GALNT18: variants seen among roughly 807,000 people sequenced by gnomAD.
GALNT18 encodes GalNAc-transferase 18.
In GALNT18, 44 loss-of-function variants were observed where a neutral mutation model predicts 69.5. That is an observed-to-expected ratio of 0.63 (90% CI 0.50 to 0.81). The LOEUF (loss-of-function observed/expected upper bound fraction) is 0.81. Among genes scored for constraint, GALNT18 ranks in the 40% least tolerant of loss-of-function variants. The probability of loss-of-function intolerance (pLI) is 0.00; values close to 1 mark genes in which losing one functional copy is unlikely to be tolerated. For missense variants in GALNT18, 715 were observed against 810.0 expected (o/e 0.88, Z 1.42); for synonymous variants, 364 against 318.2 (o/e 1.14, Z -1.53).
At chr11:11,609,703 C>T (rs1479959842) in intron 1 of GALNT18, among the ~76,000 whole-genome samples, 1 of 152,194 alleles carries the variant, frequency 6.6e-6, no homozygotes, top group African/African-American at 2.4e-5. Flanking sequence ...GGTTTTATTT[C>T]CTCCCATTCC....
At chr11:11,468,988 C>A (rs1262902292) in intron 1 of GALNT18, among the ~76,000 whole-genome samples, 1 of 152,152 alleles carries the variant, frequency 6.6e-6, no homozygotes, top group Non-Finnish European at 1.5e-5. Context: ...GACAGATGGA[C>A]AGTCCTATAG....
intron 2 of GALNT18, among the ~76,000 whole-genome samples, chr11:11,443,193 C>T (rs965065206): frequency 6.6e-6 from 1 of 152,044 alleles, no homozygotes; most frequent in Admixed American, 6.6e-5. Flanking sequence ...GGTGAGAAGC[C>T]CACCTTCCCA....
chr11:11,276,536 C>T (rs963662352), intron 10 of GALNT18, among the ~76,000 whole-genome samples: 1 of 152,162 alleles, frequency 6.6e-6, no homozygotes, highest in Non-Finnish European at 1.5e-5. Context: ...CTTTCTCTTG[C>T]CTGACTTCCC....
chr11:11,285,764 ACTC>A (rs569755393), intron 10 of GALNT18, among the ~76,000 whole-genome samples: 6 of 151,640 alleles, frequency 4.0e-5, no homozygotes, highest in East Asian at 1.9e-4. Flanking sequence ...AAAGTCAAGG[ACTC>A]CTCCTCCTCC....
In GALNT18 at chr11:11,444,466, G is replaced by C. The variant is rs1397527636; in HGVS notation, c.428+4278C>G. 6.6e-6 allele frequency among the ~76,000 whole-genome samples: 1 copy of C among 152,168 alleles called. No individual in the cohort carries two copies. The highest frequency in any genetic ancestry group is 1.5e-5 in the Non-Finnish European group (1 of 68,042). ...GAGATATCCGTCCGACGCTTTGTTG[G>C]GTGCCGGGCACATCATGAGTGCTCA... is the stretch of plus-strand genomic sequence containing the variant. On this transcript the variant is annotated intron_variant, in intron 2 of 10. Transcript: ENST00000227756. The surrounding 1 kb of genome is among the most constrained non-coding windows in gnomAD (Gnocchi z 4.4).
At chr11:11,414,566 A>G (rs1191479263) in intron 3 of GALNT18, among the ~76,000 whole-genome samples, 1 of 152,012 alleles carries the variant, frequency 6.6e-6, no homozygotes, top group Non-Finnish European at 1.5e-5. Context: ...CAATCATCTA[A>G]CCTGAAGCAT....
intron 1 of GALNT18, among the ~76,000 whole-genome samples, chr11:11,504,693 G>A (rs571458316): frequency 8.5e-5 from 13 of 152,248 alleles, no homozygotes; most frequent in African/African-American, 3.1e-4. Flanking sequence ...GGAAGGTGGA[G>A]GTTGCGGTGA....
rs1270257833 is a variant in GALNT18, at chr11:11,372,695, G to A, written c.978-66C>T. The A allele has an allele frequency of 8.1e-7, 1 of 1,241,532 alleles. No homozygotes were observed. Among genetic ancestry groups the A allele is most frequent in the African/African-American group, 1.5e-5 (1 of 67,676 alleles). The allele number at this position is 1,241,532 out of a possible 1,614,324, so 76.9% of individuals were successfully genotyped here. A position where few individuals can be genotyped will look rare whatever the true frequency, so the allele number is the denominator to read the frequency against. On this transcript the variant is annotated intron_variant, in intron 5 of 10. Transcript: ENST00000227756. The surrounding 1 kb of genome is among the most constrained non-coding windows in gnomAD (Gnocchi z 4.9). The stretch of plus-strand genomic sequence containing the variant: ...CTGTCCGAGGAGTAAGAGCAGTAAG[G>A]CCTTCCTATCAGGAGGGTCTGGTTC...
At chr11:11,287,448 T>C (rs1173655709) in intron 10 of GALNT18, among the ~76,000 whole-genome samples, 1 of 152,126 alleles carries the variant, frequency 6.6e-6, no homozygotes, top group African/African-American at 2.4e-5. Flanking sequence ...CTGCTTTGCT[T>C]GACAAGTATC....
At chr11:11,597,663 C>CT (rs1438591992) in intron 1 of GALNT18, among the ~76,000 whole-genome samples, 7,213 of 137,474 alleles carry the variant, frequency 0.052, 563 homozygotes, top group African/African-American at 0.17. Context: ...TTTGAGTATT[C>CT]TTTTTTTTTT....
chr11:11,621,707 C>T lies in GALNT18; in HGVS notation c.-114G>A, dbSNP rs1435458658. On this transcript the variant is annotated 5_prime_UTR_variant, in exon 1 of 11. Coordinates refer to ENST00000227756, the MANE Select transcript of GALNT18 (RefSeq NM_198516.3). The surrounding 1 kb of genome is among the most constrained non-coding windows in gnomAD (Gnocchi z 9.3). ...CCGGAGCCGCTGGGCACCTCAGCAC[C>T]TGAGTCCCGAGGTTCTCCAAAGCCC... is the stretch of plus-strand genomic sequence containing the variant. The T allele has an allele frequency of 2.7e-6, 2 of 751,454 alleles. No individual in the cohort carries two copies. Among genetic ancestry groups the T allele is most frequent in the African/African-American group, 3.5e-5 (2 of 57,082 alleles). 46.5% of individuals were successfully genotyped at this position (751,454 alleles called of 1,614,324 possible).
At chr11:11,516,011 T>C (rs1265097676) in intron 1 of GALNT18, among the ~76,000 whole-genome samples, 1 of 152,074 alleles carries the variant, frequency 6.6e-6, no homozygotes, top group Non-Finnish European at 1.5e-5. Context: ...CCTGAGGAGC[T>C]GGGATAAACA....
Position 11,586,833 on chromosome 11 carries a change from C to CAA in GALNT18, c.235+34524_235+34525dup, listed in dbSNP as rs71037031. Reference sequence around the variant, plus strand: ...TACTAAAAACACACACACACACACACAAAAAAAAGCCAGGTGTGGTGGCGG... The same window carrying CAA: ...TACTAAAAACACACACACACACACACAAAAAAAAAAGCCAGGTGTGGTGGCGG... On this transcript the variant is annotated intron_variant, in intron 1 of 10. Coordinates refer to ENST00000227756, the MANE Select transcript of GALNT18 (RefSeq NM_198516.3). The surrounding 1 kb of genome is among the most constrained non-coding windows in gnomAD (Gnocchi z 4.1). 9.9e-5 allele frequency among the ~76,000 whole-genome samples: 15 copies of CAA among 150,760 alleles called. No homozygotes were observed. The highest frequency in any genetic ancestry group is 4.6e-4 in the Admixed American group (7 of 15,144).
At chr11:11,417,587 G>A (rs916950909) in intron 3 of GALNT18, among the ~76,000 whole-genome samples, 1 of 152,196 alleles carries the variant, frequency 6.6e-6, no homozygotes, top group Non-Finnish European at 1.5e-5. Context: ...CTGCAGGCCA[G>A]CAATAGGCTG....
chr11:11,565,338 T>C (rs567796671), intron 1 of GALNT18, among the ~76,000 whole-genome samples: 1 of 151,808 alleles, frequency 6.6e-6, no homozygotes, highest in African/African-American at 2.4e-5. Flanking sequence ...TGGAAAAGAG[T>C]GGTGAAGGGC....
rs180671354 is a variant in GALNT18 at position 11,548,158 on chromosome 11, G to A, written c.235+73201C>T. 2.2e-3 allele frequency among the ~76,000 whole-genome samples: 332 copies of A among 152,298 alleles called. 1 individual carries two copies. Among genetic ancestry groups the A allele is most frequent in the Non-Finnish European group, 2.6e-3 (176 of 68,032 alleles). On this transcript the variant is annotated intron_variant, in intron 1 of 10. Transcript: ENST00000227756. ...TTGCCATCATTTCATATCACTGTGT[G>A]ACACTGTGAACAGCCAATGGTTGCA...
In GALNT18 at chr11:11,618,284, T is replaced by C. The variant is rs781646817; in HGVS notation, c.235+3075A>G. 1.3e-5 allele frequency among the ~76,000 whole-genome samples: 2 copies of C among 152,176 alleles called. No individual in the cohort carries two copies. The highest frequency in any genetic ancestry group is 2.9e-5 in the Non-Finnish European group (2 of 68,040). Reference sequence around the variant, plus strand: ...GCAAAACACCTTTTTTGGAGAGTGGTAACACTTTCATTAATAACCAACGTG... The same window carrying C: ...GCAAAACACCTTTTTTGGAGAGTGGCAACACTTTCATTAATAACCAACGTG... On this transcript the variant is annotated intron_variant, in intron 1 of 10. Coordinates refer to ENST00000227756, the MANE Select transcript of GALNT18 (RefSeq NM_198516.3). This position sits in a 1 kb window ranked among gnomAD's most constrained non-coding sequence, Gnocchi z 6.1.
In GALNT18 at chr11:11,538,438, G is replaced by T. The variant is rs929878641; in HGVS notation, c.235+82921C>A. ...CCCAGACGTGGACACCAGCCAACATGCTGGGCTGACTCCAGCTCCCAGAGG... is the reference window on the plus strand; with the variant it reads ...CCCAGACGTGGACACCAGCCAACATTCTGGGCTGACTCCAGCTCCCAGAGG... On this transcript the variant is annotated intron_variant, in intron 1 of 10. Coordinates refer to ENST00000227756, the MANE Select transcript of GALNT18 (RefSeq NM_198516.3). The surrounding 1 kb of genome is among the most constrained non-coding windows in gnomAD (Gnocchi z 5.2). Among the ~76,000 whole-genome samples, 2 of 152,234 alleles carry T rather than the reference G, an allele frequency of 1.3e-5. No individual in the cohort carries two copies. Among genetic ancestry groups the T allele is most frequent in the African/African-American group, 4.8e-5 (2 of 41,466 alleles).
intron 1 of GALNT18, among the ~76,000 whole-genome samples, chr11:11,577,712 C>T (rs1411935919): frequency 6.6e-6 from 1 of 152,170 alleles, no homozygotes; most frequent in Non-Finnish European, 1.5e-5. Context: ...GGGAAGCTCT[C>T]ATCTTCTTGT....
Sources: allele counts gnomAD v4.1 joint callset (sites outside exome capture counted in the v4.1 genomes callset), GRCh38; gene constraint gnomAD v4.1.1; non-coding constraint Gnocchi (gnomAD v3.1); transcripts MANE v1.5; gene names NCBI Gene and HGNC (gene_info 2026-07-23, HGNC 2026-07-21).